Variants in SDE2 observed in about 807,000 individuals in gnomAD.
SDE2 encodes the protein splicing regulator SDE2.
Under a neutral mutation model 46.9 loss-of-function variants are expected in SDE2, and 31 were observed. The ratio of observed to expected loss-of-function variants is 0.66; its 90% confidence interval spans 0.50 to 0.89. The LOEUF is 0.89. Among genes scored for constraint, SDE2 ranks in the 40% least tolerant of loss-of-function variants. SDE2 has a pLI of 0.00. For missense variants in SDE2, 542 were observed against 564.4 expected (o/e 0.96, Z 0.40); for synonymous variants, 205 against 204.3 (o/e 1.00, Z -0.03).
chr1:225,991,608 C>T (rs545574243), intron 4 of SDE2, among the ~76,000 whole-genome samples: 1 of 152,274 alleles, frequency 6.6e-6, no homozygotes, highest in East Asian at 1.9e-4. Flanking sequence ...CAAGTTCATA[C>T]CCAGCCCTCC....
In SDE2 at chr1:225,992,994, A is replaced by T; in HGVS notation, c.247T>A (p.Ser83Thr). The change falls in exon 3 of 7, where the codon TCT becomes ACT. Residue 83 changes from serine to threonine, a missense_variant. This residue lies in a region of SDE2 where 6 missense variants were observed against 20.1 expected (regional missense o/e 0.30). Transcript: ENST00000272091. ...TGAGCACCAAGTGCTCGGAGCATAGATCCAAAACCTGAGCAGATGTATTTG... is the reference window on the plus strand; with the variant it reads ...TGAGCACCAAGTGCTCGGAGCATAGTTCCAAAACCTGAGCAGATGTATTTG... ...RLCGGKGGFG[S>T]MLRALGAQIE... The T allele has an allele frequency of 6.3e-7, 1 of 1,592,586 alleles. No homozygotes were observed. The highest frequency in any genetic ancestry group is 2.2e-5 in the East Asian group (1 of 44,754).
chr1:225,986,493 T>C (rs994515960), intron 6 of SDE2, among the ~76,000 whole-genome samples: 2 of 152,208 alleles, frequency 1.3e-5, no homozygotes, highest in African/African-American at 2.4e-5. Flanking sequence ...TAGTTGATCT[T>C]TGTTTTCTTA....
In SDE2 at chr1:225,988,189, G is replaced by T; in HGVS notation, c.841C>A (p.Gln281Lys). Residue 281 changes from glutamine (Q) to lysine (K), a missense_variant, in exon 6 of 7, where the codon CAA (glutamine) becomes AAA (lysine). Gln to Lys is a moderately conservative substitution (Grantham distance 53). This residue lies in a region of SDE2 where 401 missense variants were observed against 437.8 expected (regional missense o/e 0.92). Transcript: ENST00000272091. ...GAGTCAGTCACCGGGATCTGCAGTT[G>T]TTCTGGTGATCCATGGTCTGTATTC... Reference protein sequence around the residue: ...VVNTDHGSPEQLQIPVTDSGR... With the variant: ...VVNTDHGSPEKLQIPVTDSGR... 1.2e-6 allele frequency: 2 copies of T among 1,614,106 alleles called. No individual in the cohort carries two copies. The highest frequency in any genetic ancestry group is 2.7e-5 in the African/African-American group (2 of 75,042).
chr1:225,993,453 A>G (rs919046373), intron 2 of SDE2, among the ~76,000 whole-genome samples: 1 of 152,116 alleles, frequency 6.6e-6, no homozygotes, highest in Non-Finnish European at 1.5e-5. Flanking sequence ...CTACTAAAAA[A>G]TACAAAAAAT....
intron 6 of SDE2, among the ~76,000 whole-genome samples, chr1:225,987,519 G>GAGC (rs1656294037): frequency 6.6e-6 from 1 of 152,122 alleles, no homozygotes; most frequent in Non-Finnish European, 1.5e-5. Context: ...CGGGAAAAAT[G>GAGC]AGCACATTTC....
chr1:225,987,390 A>C (rs1656291790), intron 6 of SDE2, among the ~76,000 whole-genome samples: 1 of 152,158 alleles, frequency 6.6e-6, no homozygotes, highest in Non-Finnish European at 1.5e-5. Context: ...GTGGGTACTT[A>C]AGATTTAATG....
rs774230206 is a variant in SDE2 at position 225,987,927 on chromosome 1, G to A, written c.1103C>T (p.Ala368Val). Reference protein sequence around the residue: ...APEERENVAVAKLQESQPGNA... With the variant: ...APEERENVAVVKLQESQPGNA... Reference sequence around the variant, plus strand: ...TCCTGGCTGGCTTTCCTGCAGTTTGGCAACGGCAACGTTTTCCCTTTCTTC... The same window carrying A: ...TCCTGGCTGGCTTTCCTGCAGTTTGACAACGGCAACGTTTTCCCTTTCTTC... Residue 368 changes from alanine (A) to valine (V), a missense_variant, in exon 6 of 7, where the codon GCC becomes GTC. Transcript: ENST00000272091. 1 of 1,612,452 alleles carries A rather than the reference G, an allele frequency of 6.2e-7. No individual in the cohort carries two copies. The highest frequency in any genetic ancestry group is 8.5e-7 in the Non-Finnish European group (1 of 1,179,542).
chr1:225,995,904 C>A (rs551899830), intron 1 of SDE2, among the ~76,000 whole-genome samples: 1 of 152,168 alleles, frequency 6.6e-6, no homozygotes, highest in South Asian at 2.1e-4. Context: ...AGCAAAGTTG[C>A]TGAAGATAGC....
rs1261729935 is a variant in SDE2 at position 225,982,936 on chromosome 1, T to C, written c.*2366A>G. ...ATCAACTCTAGGTAGACTGAAAAAT[T>C]AAGAATGTATATTGTAATCACTAGA... On this transcript the variant is annotated 3_prime_UTR_variant, in exon 7 of 7. Transcript: ENST00000272091. 1 of 152,134 alleles carries C rather than the reference T, an allele frequency of 6.6e-6. No individual in the cohort carries two copies. Among genetic ancestry groups the C allele is most frequent in the African/African-American group, 2.4e-5 (1 of 41,438 alleles). 9.4% of individuals were successfully genotyped at this position (152,134 alleles called of 1,614,324 possible).
chr1:225,986,668 A>G (rs1456690386), intron 6 of SDE2, among the ~76,000 whole-genome samples: 1 of 152,246 alleles, frequency 6.6e-6, no homozygotes, highest in Admixed American at 6.5e-5. Context: ...ACTGAAAAAT[A>G]TCAGGTTTTA....
Position 225,991,366 on chromosome 1 carries a change from A to G in SDE2, c.521-3T>C, listed in dbSNP as rs759594917. ...CTTGCTGGAGGCAGCCTGCATACCT[A>G]ACCAGAAATTTTAACAACTCAGTTT... is the stretch of plus-strand genomic sequence containing the variant. On this transcript the variant is annotated splice_polypyrimidine_tract_variant and splice_region_variant and intron_variant, in intron 4 of 6. Coordinates refer to ENST00000272091, the MANE Select transcript of SDE2 (RefSeq NM_152608.4). 1 of 1,611,532 alleles carries G rather than the reference A, an allele frequency of 6.2e-7. No homozygotes were observed. Among genetic ancestry groups the G allele is most frequent in the Non-Finnish European group, 8.5e-7 (1 of 1,178,138 alleles).
intron 5 of SDE2, among the ~76,000 whole-genome samples, chr1:225,989,474 C>T (rs1339785236): frequency 6.6e-6 from 1 of 151,156 alleles, no homozygotes; most frequent in Non-Finnish European, 1.5e-5. Flanking sequence ...ACTAAAAATA[C>T]AAAAATTAGC....
chr1:225,990,024 G>A (rs754035595), intron 5 of SDE2, among the ~76,000 whole-genome samples: 4 of 150,730 alleles, frequency 2.7e-5, no homozygotes, highest in Non-Finnish European at 4.4e-5. Flanking sequence ...TCAGTGAGCC[G>A]AGATCGCGCC....
chr1:225,995,236 A>G, intron 2 of SDE2, 30 bp downstream of exon 2: 1 of 1,054,084 alleles, frequency 9.5e-7, no homozygotes, highest in Non-Finnish European at 1.5e-6. Context: ...CAAATGTGTT[A>G]CAACTAAGTA....
rs369696342 is a variant in SDE2, at chr1:225,994,786, T to G, written c.238+480A>C. Among the ~76,000 whole-genome samples, 9 of 152,332 alleles carry G rather than the reference T, an allele frequency of 5.9e-5. No homozygotes were observed. In the South Asian group the frequency reaches 1.0e-3, roughly 18 times the overall value. On this transcript the variant is annotated intron_variant, in intron 2 of 6. Coordinates refer to ENST00000272091, the MANE Select transcript of SDE2 (RefSeq NM_152608.4). ...TAGAGCCTAGGTTCCCTAAGAGCTATCCAGCTGAACAAAGTGGGAATTGTA... is the reference window on the plus strand; with the variant it reads ...TAGAGCCTAGGTTCCCTAAGAGCTAGCCAGCTGAACAAAGTGGGAATTGTA...
At chr1:225,994,371 C>A (rs755696588) in intron 2 of SDE2, among the ~76,000 whole-genome samples, 3 of 152,184 alleles carry the variant, frequency 2.0e-5, no homozygotes, top group Admixed American at 6.5e-5. Flanking sequence ...CCACCGTGCC[C>A]AGCCCACGCT....
intron 1 of SDE2, among the ~76,000 whole-genome samples, chr1:225,997,289 GTT>G (rs1182652622): frequency 1.3e-5 from 2 of 152,086 alleles, no homozygotes; most frequent in East Asian, 3.9e-4. Flanking sequence ...TCTCAGAATA[GTT>G]TTGTTTTTAA....
chr1:225,996,904 G>A (rs1235196697), intron 1 of SDE2, among the ~76,000 whole-genome samples: 1 of 152,210 alleles, frequency 6.6e-6, no homozygotes, highest in Non-Finnish European at 1.5e-5. Context: ...GGAAAGTTGT[G>A]TCCAGAAACC....
chr1:225,985,326 C>T lies in SDE2; in HGVS notation c.1332G>A (p.Lys444=). 6.2e-7 allele frequency: 1 copy of T among 1,614,156 alleles called. No homozygotes were observed. Among genetic ancestry groups the T allele is most frequent in the Non-Finnish European group, 8.5e-7 (1 of 1,180,008 alleles). ...KEQIDPALFA[K]PLKGKKK The stretch of plus-strand genomic sequence containing the variant: ...CTCATTTTTTCTTCCCTTTCAAAGG[C>T]TTGGCAAATAAAGCCGGGTCAATTT... The change falls in exon 7 of 7, where the codon AAG becomes AAA. Residue 444 remains lysine (K), a synonymous_variant. Transcript: ENST00000272091.
Sources: gnomAD v4.1 joint callset for allele counts (sites outside exome capture counted in the v4.1 genomes callset) on GRCh38, gnomAD v4.1.1 for gene constraint, gnomAD v4.1.1 regional missense constraint, MANE v1.5 for transcripts, NCBI Gene and HGNC (gene_info 2026-07-23, HGNC 2026-07-21) for gene names.